PUDP: variants seen among roughly 807,000 people sequenced by gnomAD.
PUDP encodes the protein pseudouridine 5'-phosphatase.
Under a neutral mutation model 9.4 loss-of-function variants are expected in PUDP, and 8 were observed. The observed-to-expected ratio is 0.85, with a 90% CI of 0.50 to 1.53. The LOEUF (loss-of-function observed/expected upper bound fraction) is 1.53, where lower values mean the gene tolerates loss of function less well. Among genes scored for constraint, PUDP ranks in the 40% most tolerant of loss-of-function variants. The pLI, the probability that PUDP is intolerant of heterozygous loss-of-function variation, is 0.00. For synonymous variants in PUDP, 99 were observed against 80.7 expected (o/e 1.23, Z -1.22); for missense variants, 188 against 189.7 (o/e 0.99, Z 0.05).
intron 3 of PUDP, among the ~76,000 whole-genome samples, chrX:6,802,009 C>T (rs192544368): frequency 1.6e-3 from 183 of 111,657 alleles, no homozygotes; most frequent in African/African-American, 5.6e-3. Flanking sequence ...TCCTGAGTTC[C>T]TATGATGAGC....
At position 6,848,199 on chromosome X, in the gene PUDP, C is replaced by T. The variant is rs766078193; in HGVS notation, c.*247+128934G>A. ...ATAAACATGCACCACAGGAAGCAGA[C>T]AGAGAAGCACTTTTCACAAAGCCCT... On this transcript the variant is annotated intron_variant and NMD_transcript_variant, in intron 3 of 3. Coordinates refer to the PUDP transcript ENST00000655425. Among the ~76,000 whole-genome samples, 7 of 112,017 alleles carry T rather than the reference C, an allele frequency of 6.2e-5. No homozygotes were observed. In the East Asian group the frequency reaches 2.0e-3, roughly 32 times the overall value.
intron 3 of PUDP, among the ~76,000 whole-genome samples, chrX:6,729,346 G>A (rs961844518): frequency 2.7e-5 from 3 of 111,620 alleles, no homozygotes; most frequent in Admixed American, 9.5e-5. Context: ...GAGTTGTCCC[G>A]TCTTTCCGGA....
At chrX:7,101,483 G>A (rs539180627) in intron 2 of PUDP, among the ~76,000 whole-genome samples, 35 of 112,228 alleles carry the variant, frequency 3.1e-4, no homozygotes, top group African/African-American at 4.2e-4. Flanking sequence ...AAGACACTAC[G>A]TTGATGGGAT....
At chrX:6,751,789 A>T (rs1391876101) in intron 3 of PUDP, among the ~76,000 whole-genome samples, 1 of 111,602 alleles carries the variant, frequency 9.0e-6, no homozygotes, top group Non-Finnish European at 1.9e-5. Flanking sequence ...AAATTATGCA[A>T]GATATTTTTA....
chrX:6,792,309 A>G (rs1925762156), intron 3 of PUDP, among the ~76,000 whole-genome samples: 1 of 109,954 alleles, frequency 9.1e-6, no homozygotes, highest in Non-Finnish European at 1.9e-5. Flanking sequence ...AGGCAGCAGA[A>G]TGCCCTCACC....
At chrX:6,818,276 A>G (rs192547702) in intron 3 of PUDP, among the ~76,000 whole-genome samples, 21 of 112,032 alleles carry the variant, frequency 1.9e-4, no homozygotes, top group Non-Finnish European at 7.5e-5. Context: ...TATAAAGATG[A>G]TCTTACATTT....
intron 3 of PUDP, among the ~76,000 whole-genome samples, chrX:7,069,179 G>A (rs1002657907): frequency 8.9e-6 from 1 of 111,868 alleles, no homozygotes; most frequent in Non-Finnish European, 1.9e-5. Context: ...AGAGGGAGAC[G>A]TTGCAGAGGA....
chrX:6,811,497 C>T (rs749405462), intron 3 of PUDP, among the ~76,000 whole-genome samples: 32 of 110,316 alleles, frequency 2.9e-4, no homozygotes, highest in Admixed American at 1.1e-3. Flanking sequence ...GTATTTTTAC[C>T]AGAGATGGGG....
chrX:6,887,768 T>C (rs1305461532), intron 3 of PUDP, among the ~76,000 whole-genome samples: 2 of 112,118 alleles, frequency 1.8e-5, no homozygotes, highest in Non-Finnish European at 3.8e-5. Flanking sequence ...CTTCACTCCA[T>C]GGCCAAGACT....
chrX:6,981,585 AC>A lies in PUDP; in HGVS notation c.205-3243del, dbSNP rs760102736. Among the ~76,000 whole-genome samples, 4 of 111,507 alleles carry A rather than the reference AC, an allele frequency of 3.6e-5. No homozygotes were observed. In the East Asian group the frequency reaches 1.1e-3, roughly 31 times the overall value. The stretch of plus-strand genomic sequence containing the variant: ...GAAATAATTACAAAGCCATTTTTTA[AC>A]CTATAAATCCCAACCCCGATTTAAA... On this transcript the variant is annotated intron_variant and NMD_transcript_variant, in intron 1 of 3. Transcript: ENST00000655425.
chrX:7,027,795 AAT>A (rs1929735420), intron 1 of PUDP, among the ~76,000 whole-genome samples: 1 of 58,415 alleles, frequency 1.7e-5, no homozygotes, highest in Admixed American at 2.8e-4. Context: ...ATATATATAG[AAT>A]ATATTATTTT....
At chrX:6,941,023 C>T (rs1928390680) in intron 3 of PUDP, among the ~76,000 whole-genome samples, 1 of 111,788 alleles carries the variant, frequency 8.9e-6, no homozygotes, top group Non-Finnish European at 1.9e-5. Flanking sequence ...TGCAATGGCC[C>T]TCCCTCTTTC....
intron 3 of PUDP, among the ~76,000 whole-genome samples, chrX:6,967,400 C>T (rs1928803143): frequency 1.8e-5 from 2 of 111,809 alleles, no homozygotes; most frequent in South Asian, 3.8e-4. Flanking sequence ...GCAGCCTCGT[C>T]CCTGTGACCC....
intron 2 of PUDP, among the ~76,000 whole-genome samples, chrX:7,087,265 G>A (rs766546887): frequency 1.8e-4 from 20 of 111,686 alleles, no homozygotes; most frequent in African/African-American, 4.2e-4. Flanking sequence ...GAGGGAGGGC[G>A]TGTGAAAATG....
chrX:7,038,252 C>T (rs777605283), intron 1 of PUDP, among the ~76,000 whole-genome samples: 1 of 112,320 alleles, frequency 8.9e-6, no homozygotes, highest in South Asian at 3.7e-4. Context: ...TTGGGAGTTC[C>T]CAAAATGTTG....
chrX:6,765,010 T>C (rs923126235), intron 3 of PUDP, among the ~76,000 whole-genome samples: 1 of 110,143 alleles, frequency 9.1e-6, no homozygotes, highest in African/African-American at 3.3e-5. Flanking sequence ...CTTACGTCTG[T>C]AATCCCAGCA....
At chrX:6,905,599 C>T (rs917821157) in intron 3 of PUDP, among the ~76,000 whole-genome samples, 1 of 111,157 alleles carries the variant, frequency 9.0e-6, no homozygotes, top group Non-Finnish European at 1.9e-5. Context: ...GGAAATCCTC[C>T]CCCATGATCC....
At chrX:6,960,535 G>A (rs66636114) in intron 3 of PUDP, among the ~76,000 whole-genome samples, 34,588 of 110,873 alleles carry the variant, frequency 0.31, 4,569 homozygotes, top group Non-Finnish European at 0.41. Context: ...TGGACTTCCC[G>A]GCATCCAGAA....
At chrX:7,003,135 A>G (rs1218692961) in intron 1 of PUDP, among the ~76,000 whole-genome samples, 3 of 112,081 alleles carry the variant, frequency 2.7e-5, no homozygotes, top group Admixed American at 9.4e-5. Context: ...GCTGGAGGAT[A>G]GTTTAGTTTT....
Sources: allele counts gnomAD v4.1 joint callset (sites outside exome capture counted in the v4.1 genomes callset), GRCh38; gene constraint gnomAD v4.1.1; transcripts MANE v1.5; gene names NCBI Gene and HGNC (gene_info 2026-07-23, HGNC 2026-07-21).